Variants in NR2F1-AS1 observed in about 807,000 individuals in gnomAD.
NR2F1-AS1 encodes NR2F1 regulatory antisense RNA 1, also known as NR2F1 antisense RNA 1.
chr5:93,428,785 T>C (rs1440102258), intron 4 of NR2F1-AS1, among the ~76,000 whole-genome samples: 2 of 152,332 alleles, frequency 1.3e-5, no homozygotes, highest in Non-Finnish European at 2.9e-5. Context: ...ACCCTATACT[T>C]GCATTGAAGT....
At chr5:93,453,941 T>C (rs1254154367) in intron 4 of NR2F1-AS1, among the ~76,000 whole-genome samples, 2 of 152,282 alleles carry the variant, frequency 1.3e-5, no homozygotes, top group South Asian at 2.1e-4. Flanking sequence ...ATGGTAAATA[T>C]GTGAGTAAAA....
intron 4 of NR2F1-AS1, among the ~76,000 whole-genome samples, chr5:93,539,725 G>A (rs1268801731): frequency 6.6e-6 from 1 of 152,040 alleles, no homozygotes; most frequent in East Asian, 1.9e-4. Context: ...TAACATTAAG[G>A]TATTCTCTAT....
intron 4 of NR2F1-AS1, among the ~76,000 whole-genome samples, chr5:93,411,848 G>A (rs1484177216): frequency 6.6e-6 from 1 of 152,120 alleles, no homozygotes; most frequent in Non-Finnish European, 1.5e-5. Flanking sequence ...GAGGTCCCAG[G>A]CCCTACCCCT....
Position 93,574,794 on chromosome 5 carries a change from G to A in NR2F1-AS1, n.313+5673C>T, listed in dbSNP as rs1752859298. ...AGTGGAAAAAATGTGTTAAACGTCG[G>A]TTTGACGCCCCACCGGAGCTTCCAA... On this transcript the variant is annotated intron_variant and non_coding_transcript_variant, in intron 1 of 5. Coordinates refer to ENST00000660523, the Ensembl canonical transcript of NR2F1-AS1. 2.0e-5 allele frequency among the ~76,000 whole-genome samples: 3 copies of A among 152,122 alleles called. No individual in the cohort carries two copies. In the South Asian group the frequency reaches 6.2e-4, roughly 32 times the overall value.
intron 4 of NR2F1-AS1, among the ~76,000 whole-genome samples, chr5:93,415,090 C>T (rs1261030166): frequency 6.6e-6 from 1 of 152,158 alleles, no homozygotes; most frequent in African/African-American, 2.4e-5. Flanking sequence ...ACACCAGCTT[C>T]GTTGTGTCAA....
chr5:93,527,252 CT>C (rs1484231417), intron 4 of NR2F1-AS1, among the ~76,000 whole-genome samples: 1 of 152,068 alleles, frequency 6.6e-6, no homozygotes, highest in East Asian at 1.9e-4. Flanking sequence ...ACAATTGCTA[CT>C]AAGAGAATAA....
intron 4 of NR2F1-AS1, among the ~76,000 whole-genome samples, chr5:93,437,115 CAAAG>C (rs1433814340): frequency 7.9e-5 from 12 of 151,846 alleles, no homozygotes; most frequent in African/African-American, 1.2e-4. Context: ...CTCTAACATA[CAAAG>C]AAAAACTATA....
At chr5:93,518,656 C>T (rs1383078802) in intron 4 of NR2F1-AS1, among the ~76,000 whole-genome samples, 1 of 152,024 alleles carries the variant, frequency 6.6e-6, no homozygotes, top group Admixed American at 6.6e-5. Flanking sequence ...TTACATTTCT[C>T]ATTTAATCTT....
At chr5:93,426,668 T>C (rs1749201894) in intron 4 of NR2F1-AS1, among the ~76,000 whole-genome samples, 1 of 152,130 alleles carries the variant, frequency 6.6e-6, no homozygotes, top group African/African-American at 2.4e-5. Context: ...TCATATCAAA[T>C]CACAAAGTCT....
intron 4 of NR2F1-AS1, among the ~76,000 whole-genome samples, chr5:93,454,333 C>T (rs1451834895): frequency 6.6e-6 from 1 of 151,960 alleles, no homozygotes; most frequent in Non-Finnish European, 1.5e-5. Flanking sequence ...AGGAGATTAC[C>T]CAAGGCAAAA....
chr5:93,564,174 TACAGC>T (rs1752565353), intron 1 of NR2F1-AS1, among the ~76,000 whole-genome samples: 1 of 122,772 alleles, frequency 8.1e-6, no homozygotes, highest in South Asian at 3.1e-4. Context: ...GGAGAATACT[TACAGC>T]ACAGACAAAG....
chr5:93,454,777 C>A (rs1228898272), intron 4 of NR2F1-AS1, among the ~76,000 whole-genome samples: 1 of 152,114 alleles, frequency 6.6e-6, no homozygotes, highest in Non-Finnish European at 1.5e-5. Context: ...ATGATGAAAC[C>A]TCCATAACAA....
In NR2F1-AS1 at chr5:93,546,401, T is replaced by C. The variant is rs550680357; in HGVS notation, n.638+7360A>G. ...AAATATAAATTATTTAAAGAGAAGG[T>C]TGACTATTTTATACATTGCAATTAT... On this transcript the variant is annotated intron_variant and non_coding_transcript_variant, in intron 4 of 5. Coordinates refer to ENST00000660523, the Ensembl canonical transcript of NR2F1-AS1. Among the ~76,000 whole-genome samples the C allele has an allele frequency of 7.9e-5, 12 of 152,314 alleles. No individual in the cohort carries two copies. In the South Asian group the frequency reaches 2.5e-3, roughly 32 times the overall value.
intron 4 of NR2F1-AS1, among the ~76,000 whole-genome samples, chr5:93,466,388 A>G (rs1300668807): frequency 6.7e-6 from 1 of 150,280 alleles, no homozygotes; most frequent in Admixed American, 6.7e-5. Context: ...ACTGGAGTGC[A>G]GTGGCGCACT....
At chr5:93,449,114 G>C (rs1182393948) in intron 4 of NR2F1-AS1, among the ~76,000 whole-genome samples, 2 of 151,974 alleles carry the variant, frequency 1.3e-5, no homozygotes, top group Non-Finnish European at 2.9e-5. Flanking sequence ...GGGAGAAATT[G>C]TACACTCTAA....
chr5:93,539,409 G>C (rs906589107), intron 4 of NR2F1-AS1, among the ~76,000 whole-genome samples: 1 of 151,924 alleles, frequency 6.6e-6, no homozygotes, highest in Non-Finnish European at 1.5e-5. Flanking sequence ...ATACATAATG[G>C]AATACTAATC....
intron 4 of NR2F1-AS1, among the ~76,000 whole-genome samples, chr5:93,413,966 C>T (rs1193026336): frequency 6.6e-6 from 1 of 152,108 alleles, no homozygotes; most frequent in Non-Finnish European, 1.5e-5. Context: ...CAAGACAAAT[C>T]CTGGGGGGTT....
chr5:93,438,107 G>A (rs2149850086), intron 4 of NR2F1-AS1, among the ~76,000 whole-genome samples: 2 of 152,258 alleles, frequency 1.3e-5, no homozygotes, highest in East Asian at 3.9e-4. Flanking sequence ...AAGATTGGGA[G>A]GACACAGGTC....
intron 4 of NR2F1-AS1, among the ~76,000 whole-genome samples, chr5:93,522,054 A>C (rs546377332): frequency 2.6e-4 from 40 of 152,358 alleles, no homozygotes; most frequent in African/African-American, 8.9e-4. Flanking sequence ...CATATCTTTC[A>C]CAGGAACATG....
Sources: gnomAD v4.1 joint callset for allele counts (sites outside exome capture counted in the v4.1 genomes callset) on GRCh38, gnomAD v4.1.1 for gene constraint, MANE v1.5 for transcripts, NCBI Gene and HGNC (gene_info 2026-07-23, HGNC 2026-07-21) for gene names.